The following ACTN1 variants were observed in gnomAD, a reference collection of about 807,000 sequenced individuals.
The protein encoded by ACTN1 is actinin alpha 1, also known as alpha-actinin-1.
Under a neutral mutation model 119.6 loss-of-function variants are expected in ACTN1, and 30 were observed. That is an observed-to-expected ratio of 0.25 (90% CI 0.19 to 0.34). ACTN1 has a LOEUF of 0.34. Among genes scored for constraint, ACTN1 ranks in the 10% least tolerant of loss-of-function variants. ACTN1 has a pLI of 1.00. For synonymous variants in ACTN1, 429 were observed against 472.6 expected (o/e 0.91, Z 1.20); for missense variants, 764 against 1,223.4 (o/e 0.62, Z 5.60).
intron 6 of ACTN1, among the ~76,000 whole-genome samples, chr14:68,908,173 G>C (rs1318405162): frequency 6.7e-6 from 1 of 150,230 alleles, no homozygotes; most frequent in Non-Finnish European, 1.5e-5. Flanking sequence ...CAGGTGACGG[G>C]GCAGTGTGTA....
At position 68,882,022 on chromosome 14, in the gene ACTN1, G is replaced by A. The variant is rs1412735830; in HGVS notation, c.1953+436C>T. Among the ~76,000 whole-genome samples, 4 of 142,236 alleles carry A rather than the reference G, an allele frequency of 2.8e-5. No individual in the cohort carries two copies. The highest frequency in any genetic ancestry group is 2.2e-4 in the South Asian group (1 of 4,488). The allele number at this position is 142,236 out of a possible 152,430, so 93.3% of individuals were successfully genotyped here. A position where few individuals can be genotyped will look rare whatever the true frequency, so the allele number is the denominator to read the frequency against. ...GTAATCTCAGCTCACTGCAATCTCC[G>A]TCTCCCGGGTTCAAGCGATTCTCCT... On this transcript the variant is annotated intron_variant, in intron 16 of 21. Coordinates refer to ENST00000394419, the MANE Select transcript of ACTN1 (RefSeq NM_001130004.2). This position sits in a 1 kb window ranked among gnomAD's most constrained non-coding sequence, Gnocchi z 4.5.
intron 1 of ACTN1, among the ~76,000 whole-genome samples, chr14:68,944,573 G>A (rs1399780241): frequency 1.3e-5 from 2 of 152,318 alleles, no homozygotes; most frequent in South Asian, 2.1e-4. Flanking sequence ...TTTTATCAAT[G>A]CGTGTATTTT....
At position 68,979,006 on chromosome 14, in the gene ACTN1, C is replaced by T; in HGVS notation, c.51G>A (p.Glu17=). ...CCAGGAGCAGGTCCCGGTCCCAGTC[C>T]TCTTCTGGCTGCATGTAATCGTTGG... ...QQTNDYMQPE[E]DWDRDLLLDP... is the part of the protein sequence containing the mutation. Residue 17 remains glutamate, a synonymous_variant, in exon 1 of 22, where the codon GAG becomes GAA. Coordinates refer to ENST00000394419, the MANE Select transcript of ACTN1 (RefSeq NM_001130004.2). 1 of 1,604,922 alleles carries T rather than the reference C, an allele frequency of 6.2e-7. No homozygotes were observed. The highest frequency in any genetic ancestry group is 8.5e-7 in the Non-Finnish European group (1 of 1,175,430).
intron 1 of ACTN1, chr14:68,936,544 A>G (rs2035525137): frequency 2.4e-5 from 10 of 413,064 alleles, no homozygotes; most frequent in Non-Finnish European, 3.7e-5. Context: ...CAGTCTGTCT[A>G]GGGGGTGGCG....
intron 7 of ACTN1, among the ~76,000 whole-genome samples, chr14:68,904,446 T>C (rs571089831): frequency 6.6e-5 from 10 of 152,170 alleles, no homozygotes; most frequent in Non-Finnish European, 1.2e-4. Context: ...CCTAAGACCT[T>C]TGCAGAATCA....
Position 68,892,051 on chromosome 14 carries a change from A to C in ACTN1, c.1086+2T>G. The C allele has an allele frequency of 6.2e-7, 1 of 1,613,272 alleles. No individual in the cohort carries two copies. The highest frequency in any genetic ancestry group is 8.5e-7 in the Non-Finnish European group (1 of 1,179,900). ...GGGCCCAGGCTCACCCCCAGTGCTC[A>C]CCGAGACCATCCTGCCCTCAGAGGG... On this transcript the variant is annotated splice_donor_variant, in intron 10 of 21. Coordinates refer to ENST00000394419, the MANE Select transcript of ACTN1 (RefSeq NM_001130004.2). LOFTEE classifies it high-confidence loss of function.
At chr14:68,929,322 T>C (rs2140414323) in intron 1 of ACTN1, among the ~76,000 whole-genome samples, 1 of 151,990 alleles carries the variant, frequency 6.6e-6, no homozygotes, top group South Asian at 2.1e-4. Flanking sequence ...GAGAGGAAGG[T>C]CAAAGCCACA....
chr14:68,884,395 G>A, intron 13 of ACTN1, 87 bp from the exon 14 acceptor site: 3 of 1,468,926 alleles, frequency 2.0e-6, no homozygotes, highest in Non-Finnish European at 2.8e-6. Flanking sequence ...GTGAGCCCCA[G>A]GTCTAGAAGC....
chr14:68,898,524 C>T (rs1042992609), intron 8 of ACTN1, among the ~76,000 whole-genome samples: 7 of 152,126 alleles, frequency 4.6e-5, no homozygotes, highest in African/African-American at 1.7e-4. Context: ...GCACTGGGCA[C>T]GGGTTTTGGA....
At chr14:68,941,352 C>T (rs898362712) in intron 1 of ACTN1, among the ~76,000 whole-genome samples, 67 of 152,200 alleles carry the variant, frequency 4.4e-4, no homozygotes, top group African/African-American at 1.5e-3. Context: ...TTTCTGATTC[C>T]AAAGTTCTAG....
intron 9 of ACTN1, among the ~76,000 whole-genome samples, chr14:68,892,719 G>A (rs2032588446): frequency 6.6e-6 from 1 of 152,188 alleles, no homozygotes; most frequent in African/African-American, 2.4e-5. Context: ...AATCTAGAAT[G>A]TGGGTCTCTG....
At chr14:68,908,878 C>A (rs2033827319) in intron 6 of ACTN1, among the ~76,000 whole-genome samples, 1 of 152,232 alleles carries the variant, frequency 6.6e-6, no homozygotes, top group Admixed American at 6.5e-5. Context: ...ATAAAGGAAA[C>A]CAAATCCATG....
intron 1 of ACTN1, among the ~76,000 whole-genome samples, chr14:68,938,736 T>C (rs1009145): frequency 0.56 from 84,977 of 152,050 alleles, 24,612 homozygotes; most frequent in East Asian, 0.78. Context: ...CAAGATACCC[T>C]GGACACATCA....
At chr14:68,903,416 A>G (rs2033465575) in intron 7 of ACTN1, among the ~76,000 whole-genome samples, 2 of 152,058 alleles carry the variant, frequency 1.3e-5, no homozygotes, top group African/African-American at 4.8e-5. Flanking sequence ...GGGTGCCTGT[A>G]ATCCCAGCTA....
chr14:68,893,221 G>C (rs766216364), intron 9 of ACTN1, among the ~76,000 whole-genome samples: 1 of 152,138 alleles, frequency 6.6e-6, no homozygotes, highest in Non-Finnish European at 1.5e-5. Flanking sequence ...AACAGTAGGG[G>C]ACAGCCGCTA....
chr14:68,975,691 G>T (rs1333813729), intron 1 of ACTN1, among the ~76,000 whole-genome samples: 1 of 152,230 alleles, frequency 6.6e-6, no homozygotes. Flanking sequence ...CAAAGATCAG[G>T]AAGGTTATGA....
intron 3 of ACTN1, among the ~76,000 whole-genome samples, chr14:68,917,550 C>T (rs1007730482): frequency 1.3e-5 from 2 of 152,176 alleles, no homozygotes; most frequent in Admixed American, 6.6e-5. Flanking sequence ...ATCTGCCCAT[C>T]GCCTTTTATT....
chr14:68,967,138 T>A (rs1308777534), intron 1 of ACTN1, among the ~76,000 whole-genome samples: 2 of 152,232 alleles, frequency 1.3e-5, no homozygotes, highest in African/African-American at 4.8e-5. Flanking sequence ...CCAGCTTCCC[T>A]GGCCCCTGTC....
At chr14:68,914,110 C>G (rs1441540485) in intron 3 of ACTN1, among the ~76,000 whole-genome samples, 1 of 151,994 alleles carries the variant, frequency 6.6e-6, no homozygotes, top group East Asian at 1.9e-4. Flanking sequence ...CCCAGCTACT[C>G]AGGCTTAAGT....
Sources: allele counts gnomAD v4.1 joint callset (sites outside exome capture counted in the v4.1 genomes callset), GRCh38; gene constraint gnomAD v4.1.1; non-coding constraint Gnocchi (gnomAD v3.1); transcripts MANE v1.5; gene names NCBI Gene and HGNC (gene_info 2026-07-23, HGNC 2026-07-21).